The following NEMP2 variants were observed in gnomAD, a reference collection of about 807,000 sequenced individuals.
The protein encoded by NEMP2 is nuclear envelope integral membrane protein 2.
A neutral mutation model predicts 54.2 loss-of-function variants in NEMP2; 53 were observed. That is an observed-to-expected ratio of 0.98 (90% CI 0.78 to 1.23). The LOEUF (loss-of-function observed/expected upper bound fraction) is 1.23, where lower values mean the gene tolerates loss of function less well. NEMP2 is among the 50% of genes most tolerant of loss of function. The pLI is 0.00. For missense variants in NEMP2, 455 were observed against 511.3 expected (o/e 0.89, Z 1.06); for synonymous variants, 197 against 190.3 (o/e 1.04, Z -0.29).
the NEMP2 span, among the ~76,000 whole-genome samples, chr2:190,473,094 C>T: frequency 2.0e-5 from 3 of 152,152 alleles, no homozygotes; most frequent in Non-Finnish European, 4.4e-5. Context: ...AAGCACTAAA[C>T]ATGGAAAGGA....
intron 1 of NEMP2, among the ~76,000 whole-genome samples, chr2:190,532,036 C>A (rs4513326): frequency 0.88 from 133,985 of 152,214 alleles, 59,768 homozygotes; most frequent in East Asian, 1. Context: ...CACTTATTAA[C>A]TTATATGACA....
chr2:190,626,823 T>C, the NEMP2 span: 4 of 152,206 alleles, frequency 2.6e-5, no homozygotes, highest in Non-Finnish European at 5.9e-5. This position sits in a 1 kb window ranked among gnomAD's most constrained non-coding sequence, Gnocchi z 4.5. Context: ...GCGTGCCATA[T>C]CTGAAACAGA....
chr2:190,471,395 T>C, the NEMP2 span, among the ~76,000 whole-genome samples: 1 of 152,174 alleles, frequency 6.6e-6, no homozygotes. The surrounding 1 kb of genome is among the most constrained non-coding windows in gnomAD (Gnocchi z 4.7). Context: ...CCCACCCTAA[T>C]ACTGTGCTTT....
chr2:190,455,710 G>A, the NEMP2 span, among the ~76,000 whole-genome samples: 3 of 151,722 alleles, frequency 2.0e-5, no homozygotes, highest in Non-Finnish European at 2.9e-5. Context: ...GGGTGGGCAC[G>A]GTGCAGGGGC....
chr2:190,470,387 G>A, the NEMP2 span, among the ~76,000 whole-genome samples: 1 of 152,130 alleles, frequency 6.6e-6, no homozygotes, highest in African/African-American at 2.4e-5. Context: ...TTGCTTCAGT[G>A]TACTGTCTCC....
chr2:190,515,205 T>C (rs985122960), intron 6 of NEMP2, among the ~76,000 whole-genome samples: 6 of 152,170 alleles, frequency 3.9e-5, no homozygotes, highest in Non-Finnish European at 7.4e-5. Context: ...AAGTGTTTAA[T>C]TTATATCTAA....
At chr2:190,633,797 A>G in the NEMP2 span, among the ~76,000 whole-genome samples, 1 of 152,238 alleles carries the variant, frequency 6.6e-6, no homozygotes, top group African/African-American at 2.4e-5. Context: ...AAGGCCAGGT[A>G]CTGTGGTTCA....
the NEMP2 span, among the ~76,000 whole-genome samples, chr2:190,572,860 T>C: frequency 2.3e-5 from 3 of 130,460 alleles, no homozygotes; most frequent in African/African-American, 8.7e-5. Context: ...TATATATATA[T>C]ATATATATAT....
At chr2:190,430,169 C>T in the NEMP2 span, among the ~76,000 whole-genome samples, 11 of 150,994 alleles carry the variant, frequency 7.3e-5, no homozygotes, top group African/African-American at 2.7e-4. Flanking sequence ...CTGCAAAGGA[C>T]ATGAACGCAT....
At position 190,519,096 on chromosome 2, in the gene NEMP2, T is replaced by C. The variant is rs1029279177; in HGVS notation, c.301A>G (p.Ile101Val). ...CAAAAGTTATGAATCACACATTTGATAAAAGATAGAATGTTTTCTGGATAT... is the reference window on the plus strand; with the variant it reads ...CAAAAGTTATGAATCACACATTTGACAAAAGATAGAATGTTTTCTGGATAT... ...CQYPENILSF[I>V]KCVIHNFWIP... The change falls in exon 3 of 9, where the codon ATC (isoleucine) becomes GTC (valine). Residue 101 changes from isoleucine (I) to valine (V), a missense_variant. Ile to Val is a conservative substitution (Grantham distance 29). Coordinates refer to ENST00000409150, the MANE Select transcript of NEMP2 (RefSeq NM_001142645.2). The surrounding 1 kb of genome is among the most constrained non-coding windows in gnomAD (Gnocchi z 5.4). The C allele has an allele frequency of 7.7e-6, 12 of 1,551,198 alleles. No homozygotes were observed. In the African/African-American group the frequency reaches 1.5e-4, roughly 19 times the overall value.
chr2:190,534,827 A>G (rs1430754768), upstream of NEMP2: 1 of 457,726 alleles, frequency 2.2e-6, no homozygotes, highest in Non-Finnish European at 3.5e-6. Context: ...TCGTTGCTCC[A>G]GCCTCCGCCC....
At chr2:190,635,193 A>G in the NEMP2 span, among the ~76,000 whole-genome samples, 1 of 152,308 alleles carries the variant, frequency 6.6e-6, no homozygotes, top group South Asian at 2.1e-4. This position sits in a 1 kb window ranked among gnomAD's most constrained non-coding sequence, Gnocchi z 4.1. Context: ...TAACCTAGAT[A>G]GAAATATATT....
chr2:190,592,978 G>A, the NEMP2 span, among the ~76,000 whole-genome samples: 220 of 152,098 alleles, frequency 1.4e-3, 2 homozygotes, highest in African/African-American at 5.2e-3. This position sits in a 1 kb window ranked among gnomAD's most constrained non-coding sequence, Gnocchi z 4.4. Flanking sequence ...CAGAGTTCAC[G>A]ATCAGACTGT....
Position 190,509,078 on chromosome 2 carries a change from C to T in NEMP2, c.*111G>A, listed in dbSNP as rs1690267186. The T allele has an allele frequency of 2.1e-6, 3 of 1,449,062 alleles. No individual in the cohort carries two copies. The highest frequency in any genetic ancestry group is 1.4e-5 in the South Asian group (1 of 70,274). The allele number at this position is 1,449,062 out of a possible 1,614,324, so 89.8% of individuals were successfully genotyped here. On this transcript the variant is annotated 3_prime_UTR_variant, in exon 9 of 9. Coordinates refer to ENST00000409150, the MANE Select transcript of NEMP2 (RefSeq NM_001142645.2). The surrounding 1 kb of genome is among the most constrained non-coding windows in gnomAD (Gnocchi z 6.1). ...TTCCAGACTGACTTGTTTTTCTCCACAGCAAATGTTTTTGCCACCGTTCAC... is the reference window on the plus strand; with the variant it reads ...TTCCAGACTGACTTGTTTTTCTCCATAGCAAATGTTTTTGCCACCGTTCAC...
the NEMP2 span, among the ~76,000 whole-genome samples, chr2:190,469,250 G>A: frequency 6.6e-6 from 1 of 152,070 alleles, no homozygotes; most frequent in Admixed American, 6.6e-5. This position sits in a 1 kb window ranked among gnomAD's most constrained non-coding sequence, Gnocchi z 5.3. Context: ...ATGACCTTCA[G>A]AGTCTCCTTG....
At chr2:190,501,566 A>T (rs567394722), downstream of NEMP2, 1 of 152,176 alleles carries the variant, frequency 6.6e-6, no homozygotes, top group African/African-American at 2.4e-5. Flanking sequence ...TGAGCACAGG[A>T]GAGAGAGGAA....
chr2:190,445,499 AT>A, the NEMP2 span, among the ~76,000 whole-genome samples: 1 of 148,166 alleles, frequency 6.7e-6, no homozygotes, highest in African/African-American at 2.5e-5. Context: ...AAGAACACGA[AT>A]TTTTTTTTTC....
the NEMP2 span, among the ~76,000 whole-genome samples, chr2:190,481,830 A>G: frequency 5.3e-5 from 8 of 152,200 alleles, no homozygotes; most frequent in Non-Finnish European, 1.0e-4. Context: ...CAGAAGATCC[A>G]TGCTGCTGCT....
the NEMP2 span, among the ~76,000 whole-genome samples, chr2:190,430,287 A>T: frequency 6.9e-6 from 1 of 145,928 alleles, no homozygotes; most frequent in Non-Finnish European, 1.5e-5. Flanking sequence ...ATAGTAGTGG[A>T]GGGAAGGTCA....
Sources: gnomAD v4.1 joint callset for allele counts (sites outside exome capture counted in the v4.1 genomes callset) on GRCh38, gnomAD v4.1.1 for gene constraint, Gnocchi (gnomAD v3.1) non-coding constraint, MANE v1.5 for transcripts, NCBI Gene and HGNC (gene_info 2026-07-23, HGNC 2026-07-21) for gene names.